The following BMAL1 variants were observed in gnomAD, a reference collection of about 807,000 sequenced individuals.
The protein encoded by BMAL1 is basic helix-loop-helix ARNT-like protein 1.
the BMAL1 span, among the ~76,000 whole-genome samples, chr11:13,291,805 G>GTACTCTATATGATACAGAA: frequency 6.6e-6 from 1 of 151,236 alleles, no homozygotes; most frequent in Non-Finnish European, 1.5e-5. Flanking sequence ...TAATTGACGT[G>GTACTCTATATGATACAGAA]TACTCTGTAT....
At chr11:13,317,407 T>C in the BMAL1 span, among the ~76,000 whole-genome samples, 7 of 152,334 alleles carry the variant, frequency 4.6e-5, no homozygotes, top group African/African-American at 1.7e-4. Flanking sequence ...TTGGCCTTTA[T>C]TGGAATCTTG....
At chr11:13,377,752 T>C in the BMAL1 span, among the ~76,000 whole-genome samples, 1 of 152,184 alleles carries the variant, frequency 6.6e-6, no homozygotes, top group Non-Finnish European at 1.5e-5. Context: ...TCATCATTTA[T>C]GATGAATTCC....
chr11:13,353,450 T>A, the BMAL1 span: 1 of 152,230 alleles, frequency 6.6e-6, no homozygotes. Context: ...TCAAAAGTCA[T>A]AACAGGAGTA....
chr11:13,376,487 C>A, the BMAL1 span: 1 of 763,906 alleles, frequency 1.3e-6, no homozygotes, highest in South Asian at 1.5e-5. Flanking sequence ...ATTATATTAT[C>A]AAACAGTGAG....
At chr11:13,346,063 C>T in the BMAL1 span, among the ~76,000 whole-genome samples, 1 of 152,210 alleles carries the variant, frequency 6.6e-6, no homozygotes, top group African/African-American at 2.4e-5. Context: ...CAGTGGCTTA[C>T]TGTAGCAAAG....
chr11:13,381,440 C>T, the BMAL1 span, among the ~76,000 whole-genome samples: 1 of 152,162 alleles, frequency 6.6e-6, no homozygotes. Flanking sequence ...GGCTTGCTGA[C>T]ATCCTCAGAG....
chr11:13,374,108 T>C, the BMAL1 span: 1 of 1,613,478 alleles, frequency 6.2e-7, no homozygotes, highest in Non-Finnish European at 8.5e-7. Flanking sequence ...AACAGCTATT[T>C]TGGCATATTT....
chr11:13,356,695 A>G, the BMAL1 span: 12 of 1,611,232 alleles, frequency 7.4e-6, no homozygotes, highest in African/African-American at 5.3e-5. Context: ...GCTCTTCTGT[A>G]TGTCTTTATT....
chr11:13,370,519 T>C, the BMAL1 span, among the ~76,000 whole-genome samples: 1 of 152,246 alleles, frequency 6.6e-6, no homozygotes, highest in Non-Finnish European at 1.5e-5. Flanking sequence ...CTGCTCATGC[T>C]AGAAGCCGGG....
chr11:13,296,150 G>A, the BMAL1 span, among the ~76,000 whole-genome samples: 1 of 152,140 alleles, frequency 6.6e-6, no homozygotes, highest in Admixed American at 6.5e-5. Flanking sequence ...AGGCTTGGCC[G>A]TTTGTCCTGC....
the BMAL1 span, chr11:13,369,745 C>T: frequency 1.2e-6 from 2 of 1,610,012 alleles, no homozygotes; most frequent in East Asian, 2.2e-5. Context: ...AGGACTTCCC[C>T]TCTACCTGCT....
At chr11:13,378,532 A>G in the BMAL1 span, 6 of 1,537,128 alleles carry the variant, frequency 3.9e-6, no homozygotes, top group East Asian at 7.3e-5. Context: ...TTGCAATGTC[A>G]GGAGACATTT....
the BMAL1 span, among the ~76,000 whole-genome samples, chr11:13,346,535 C>T: frequency 6.6e-6 from 1 of 152,182 alleles, no homozygotes; most frequent in Non-Finnish European, 1.5e-5. Context: ...GGTTGATGCC[C>T]TCACCTTTCT....
At chr11:13,316,578 G>A in the BMAL1 span, among the ~76,000 whole-genome samples, 11 of 152,268 alleles carry the variant, frequency 7.2e-5, no homozygotes, top group African/African-American at 2.6e-4. Context: ...TTGCAGTGAT[G>A]TGAAAACCCT....
the BMAL1 span, among the ~76,000 whole-genome samples, chr11:13,285,182 T>G: frequency 6.6e-6 from 1 of 152,238 alleles, no homozygotes; most frequent in Non-Finnish European, 1.5e-5. Context: ...GGGTATGTCA[T>G]AATGAGCAAA....
At chr11:13,323,474 A>G in the BMAL1 span, among the ~76,000 whole-genome samples, 1 of 57,022 alleles carries the variant, frequency 1.8e-5, no homozygotes, top group African/African-American at 5.0e-5. Flanking sequence ...GCTCCTCCTC[A>G]GTCTTCCCCA....
At chr11:13,352,349 C>G in the BMAL1 span, among the ~76,000 whole-genome samples, 87 of 152,292 alleles carry the variant, frequency 5.7e-4, no homozygotes, top group African/African-American at 2.0e-3. Context: ...CAGCCATGTC[C>G]TGTTACACAG....
chr11:13,301,826 A>G, the BMAL1 span, among the ~76,000 whole-genome samples: 1 of 152,228 alleles, frequency 6.6e-6, no homozygotes, highest in Non-Finnish European at 1.5e-5. Context: ...CAAATGAGGT[A>G]CTGTTATTAT....
At chr11:13,381,237 TCTC>T in the BMAL1 span, 1 of 1,614,090 alleles carries the variant, frequency 6.2e-7, no homozygotes, top group South Asian at 1.1e-5. Context: ...TGATGCCTCT[TCTC>T]CAGGAGGCAA....
Sources: allele counts gnomAD v4.1 joint callset (sites outside exome capture counted in the v4.1 genomes callset), GRCh38; gene constraint gnomAD v4.1.1; transcripts MANE v1.5; gene names NCBI Gene and HGNC (gene_info 2026-07-23, HGNC 2026-07-21).